Variants in GABRB1 observed in about 807,000 individuals in gnomAD.
GABRB1 encodes the protein gamma-aminobutyric acid type A receptor subunit beta1.
In GABRB1, 17 loss-of-function variants were observed where a neutral mutation model predicts 51.6. The ratio of observed to expected loss-of-function variants is 0.33; its 90% CI spans 0.23 to 0.49. The LOEUF is 0.49. Among genes scored for constraint, GABRB1 ranks in the 20% least tolerant of loss-of-function variants. GABRB1 has a pLI of 0.99. For missense variants in GABRB1, 410 were observed against 600.6 expected (o/e 0.68, Z 3.32); for synonymous variants, 247 against 218.9 (o/e 1.13, Z -1.14).
intron 5 of GABRB1, among the ~76,000 whole-genome samples, chr4:47,376,764 T>C (rs1201981093): frequency 6.6e-6 from 1 of 152,006 alleles, no homozygotes; most frequent in Non-Finnish European, 1.5e-5. Flanking sequence ...TGGAAGGAAA[T>C]GGAAGAGGCA....
chr4:47,164,889 A>G (rs919155952), intron 4 of GABRB1, among the ~76,000 whole-genome samples: 2 of 152,072 alleles, frequency 1.3e-5, no homozygotes, highest in African/African-American at 4.8e-5. Flanking sequence ...GGCCCTTGGG[A>G]GAGACTTCAT....
Position 47,389,704 on chromosome 4 carries a change from A to G in GABRB1, c.545-13614A>G, listed in dbSNP as rs73813520. On this transcript the variant is annotated intron_variant, in intron 5 of 8. Transcript: ENST00000295454. ...AGCCTTTTGAATAATTGTTATGCAC[A>G]TCTGGAGCCACTGGAAAAATTAAAC... 2.0e-3 allele frequency among the ~76,000 whole-genome samples: 300 copies of G among 152,348 alleles called. 2 individuals are homozygous for G. Among genetic ancestry groups the G allele is most frequent in the African/African-American group, 6.6e-3 (275 of 41,584 alleles).
intron 5 of GABRB1, among the ~76,000 whole-genome samples, chr4:47,328,114 G>A (rs143612694): frequency 0.043 from 6,605 of 152,230 alleles, 364 homozygotes; most frequent in East Asian, 0.28. Context: ...GTCTTCTTTT[G>A]CGAAGTGTCT....
intron 4 of GABRB1, among the ~76,000 whole-genome samples, chr4:47,297,270 T>C (rs1174578544): frequency 4.1e-5 from 4 of 98,746 alleles, no homozygotes; most frequent in Non-Finnish European, 6.0e-5. Flanking sequence ...AGAGCAGAAC[T>C]GAAGGAAATA....
chr4:47,261,802 C>A (rs371293163), intron 4 of GABRB1, among the ~76,000 whole-genome samples: 58 of 152,018 alleles, frequency 3.8e-4, no homozygotes, highest in Non-Finnish European at 3.5e-4. Flanking sequence ...ATACTACAAG[C>A]CTACAGTAAC....
intron 4 of GABRB1, among the ~76,000 whole-genome samples, chr4:47,174,389 C>A (rs560983489): frequency 6.6e-6 from 1 of 152,094 alleles, no homozygotes. Context: ...TTTAACTCAA[C>A]AATAAATATT....
chr4:47,101,784 A>G (rs1435306936), intron 3 of GABRB1, among the ~76,000 whole-genome samples: 1 of 152,060 alleles, frequency 6.6e-6, no homozygotes, highest in African/African-American at 2.4e-5. Context: ...AATCAATCAA[A>G]TGATAGAGAG....
At chr4:47,124,036 GA>G (rs201175241) in intron 3 of GABRB1, among the ~76,000 whole-genome samples, 4,103 of 138,280 alleles carry the variant, frequency 0.03, 338 homozygotes, top group East Asian at 0.21. Context: ...ATATATACCT[GA>G]AAAAAATATA....
chr4:47,199,304 C>T (rs1719805428), intron 4 of GABRB1, among the ~76,000 whole-genome samples: 1 of 152,092 alleles, frequency 6.6e-6, no homozygotes, highest in Admixed American at 6.6e-5. Flanking sequence ...TGTGGCTGGA[C>T]AACCTTTTGC....
chr4:47,097,600 G>A (rs1414121255), intron 3 of GABRB1, among the ~76,000 whole-genome samples: 2 of 152,130 alleles, frequency 1.3e-5, no homozygotes, highest in East Asian at 3.8e-4. Flanking sequence ...AGTCCAACCA[G>A]CACATAGAAT....
intron 5 of GABRB1, among the ~76,000 whole-genome samples, chr4:47,336,014 T>C (rs1291308579): frequency 2.1e-5 from 2 of 95,206 alleles, no homozygotes; most frequent in Non-Finnish European, 4.8e-5. Context: ...GTTTTAGACA[T>C]TCAAGATCTA....
At chr4:47,413,900 C>T (rs1728836291) in intron 8 of GABRB1, among the ~76,000 whole-genome samples, 1 of 152,152 alleles carries the variant, frequency 6.6e-6, no homozygotes, top group Admixed American at 6.5e-5. Flanking sequence ...GATTCATAAG[C>T]CCCTCAGGCA....
chr4:47,028,888 G>T (rs1577837665), upstream of GABRB1, among the ~76,000 whole-genome samples: 1 of 147,620 alleles, frequency 6.8e-6, no homozygotes, highest in African/African-American at 2.5e-5. Flanking sequence ...TATATATATG[G>T]TGTATATGTA....
At chr4:47,029,434 G>A (rs1283045059), upstream of GABRB1, among the ~76,000 whole-genome samples, 2 of 150,704 alleles carry the variant, frequency 1.3e-5, no homozygotes, top group Non-Finnish European at 3.0e-5. Context: ...ACTTCTGGAA[G>A]TTTTTTTTTC....
chr4:47,080,255 G>A (rs1314682339), intron 3 of GABRB1, among the ~76,000 whole-genome samples: 3 of 148,128 alleles, frequency 2.0e-5, no homozygotes, highest in Non-Finnish European at 3.0e-5. Flanking sequence ...GCCTTGTTTA[G>A]AATAAAACTC....
At chr4:47,188,848 T>A (rs1719304985) in intron 4 of GABRB1, among the ~76,000 whole-genome samples, 1 of 152,006 alleles carries the variant, frequency 6.6e-6, no homozygotes, top group African/African-American at 2.4e-5. Context: ...CTGCTTTTGG[T>A]TTGGGCATTA....
intron 3 of GABRB1, among the ~76,000 whole-genome samples, chr4:47,072,202 GATT>G (rs1727368116): frequency 6.6e-6 from 1 of 152,106 alleles, no homozygotes; most frequent in South Asian, 2.1e-4. Flanking sequence ...ATTCAATCAA[GATT>G]ATTATTACAC....
chr4:47,240,600 C>T (rs536308925), intron 4 of GABRB1, among the ~76,000 whole-genome samples: 5 of 152,278 alleles, frequency 3.3e-5, no homozygotes, highest in Admixed American at 2.6e-4. Context: ...TATAGCTCAG[C>T]AGTGAAAGGA....
At chr4:47,162,520 C>A (rs1372488097) in intron 4 of GABRB1, among the ~76,000 whole-genome samples, 1 of 151,956 alleles carries the variant, frequency 6.6e-6, no homozygotes, top group Non-Finnish European at 1.5e-5. Context: ...TCACTTCAGG[C>A]ATTTCCCAAA....
Sources: allele counts gnomAD v4.1 joint callset (sites outside exome capture counted in the v4.1 genomes callset), GRCh38; gene constraint gnomAD v4.1.1; transcripts MANE v1.5; gene names NCBI Gene and HGNC (gene_info 2026-07-23, HGNC 2026-07-21).